The following PLXDC2 variants were observed in gnomAD, a reference collection of about 807,000 sequenced individuals.
PLXDC2 encodes the protein plexin domain-containing protein 2.
PLXDC2 carries 40 observed loss-of-function variants against 68.9 expected under a neutral mutation model. The observed-to-expected ratio is 0.58, with a 90% CI of 0.45 to 0.76. PLXDC2 has a LOEUF of 0.76. PLXDC2 is among the 30% of genes least tolerant of loss of function. PLXDC2 has a pLI of 0.00. For synonymous variants in PLXDC2, 243 were observed against 234.2 expected (o/e 1.04, Z -0.34); for missense variants, 644 against 661.9 (o/e 0.97, Z 0.30).
chr10:19,848,418 G>C (rs1016803486), intron 1 of PLXDC2, among the ~76,000 whole-genome samples: 1 of 152,088 alleles, frequency 6.6e-6, no homozygotes, highest in Non-Finnish European at 1.5e-5. Flanking sequence ...GACTCTATCT[G>C]TTGGTGACTT....
chr10:20,132,364 G>T (rs1833878390), intron 4 of PLXDC2, among the ~76,000 whole-genome samples: 1 of 152,100 alleles, frequency 6.6e-6, no homozygotes, highest in East Asian at 1.9e-4. Context: ...AAATTCATTT[G>T]GTCTTCAGTC....
At chr10:20,234,717 A>G (rs1050616379) in intron 12 of PLXDC2, among the ~76,000 whole-genome samples, 1 of 137,900 alleles carries the variant, frequency 7.3e-6, no homozygotes, top group Non-Finnish European at 1.5e-5. Context: ...TCCCTGAGCT[A>G]CACAGCACAC....
chr10:19,958,685 A>T (rs1345891536), intron 1 of PLXDC2, among the ~76,000 whole-genome samples: 2 of 152,146 alleles, frequency 1.3e-5, no homozygotes, highest in African/African-American at 4.8e-5. Context: ...TATCCCCCTC[A>T]GTTCGGAATT....
chr10:20,112,180 C>T (rs1833568378), intron 4 of PLXDC2, among the ~76,000 whole-genome samples: 1 of 152,084 alleles, frequency 6.6e-6, no homozygotes, highest in South Asian at 2.1e-4. Context: ...TTCCAGCCTC[C>T]AGAATTGTAA....
Position 20,245,453 on chromosome 10 carries a change from C to T in PLXDC2, c.1421C>T (p.Thr474Ile). The stretch of plus-strand genomic sequence containing the variant: ...ATTGTAGCCACAGCCATTCTTGTGA[C>T]AGTCTATATGTATCACCACCCAACA... ...VLIVATAILV[T>I]VYMYHHPTSA... Residue 474 changes from threonine (T) to isoleucine (I), a missense_variant, in exon 13 of 14, where the codon ACA becomes ATA. By Grantham distance (89) the Thr-to-Ile change is moderately conservative (BLOSUM62 -1). Transcript: ENST00000377252. The T allele has an allele frequency of 6.2e-7, 1 of 1,613,474 alleles. No homozygotes were observed. The highest frequency in any genetic ancestry group is 2.2e-5 in the East Asian group (1 of 44,878).
At chr10:20,177,628 G>T (rs1170252702) in intron 9 of PLXDC2, among the ~76,000 whole-genome samples, 1 of 151,898 alleles carries the variant, frequency 6.6e-6, no homozygotes, top group African/African-American at 2.4e-5. Flanking sequence ...AATTAACTGG[G>T]CATGGCAGGT....
At position 19,914,258 on chromosome 10, in the gene PLXDC2, T is replaced by C. The variant is rs375849439; in HGVS notation, c.113-87517T>C. On this transcript the variant is annotated intron_variant, in intron 1 of 13. Coordinates refer to ENST00000377252, the MANE Select transcript of PLXDC2 (RefSeq NM_032812.9). ...ATTAAATTATAATTGCATGGTCTTA[T>C]TAATCTCTGTCATTCCTTACTTTTC... Among the ~76,000 whole-genome samples the C allele has an allele frequency of 1.2e-4, 18 of 152,328 alleles. No homozygotes were observed. In the East Asian group the frequency reaches 1.9e-3, roughly 16 times the overall value.
At chr10:19,887,255 T>C (rs1837864806) in intron 1 of PLXDC2, among the ~76,000 whole-genome samples, 1 of 152,248 alleles carries the variant, frequency 6.6e-6, no homozygotes, top group Non-Finnish European at 1.5e-5. Context: ...GCACAGTGGC[T>C]CATGCCTGTA....
intron 2 of PLXDC2, among the ~76,000 whole-genome samples, chr10:20,014,890 A>G (rs1038070649): frequency 6.6e-6 from 1 of 150,920 alleles, no homozygotes; most frequent in African/African-American, 2.4e-5. Context: ...CAAAGAGAAC[A>G]TTTTTTTTTT....
chr10:20,268,969 T>C (rs1239736902), intron 13 of PLXDC2, among the ~76,000 whole-genome samples: 1 of 152,218 alleles, frequency 6.6e-6, no homozygotes, highest in Non-Finnish European at 1.5e-5. Flanking sequence ...AATAAAGATA[T>C]GCTGCTTAAA....
At chr10:20,076,484 A>G (rs953444267) in intron 4 of PLXDC2, among the ~76,000 whole-genome samples, 6 of 152,218 alleles carry the variant, frequency 3.9e-5, no homozygotes, top group African/African-American at 1.4e-4. Flanking sequence ...AAATTAATTA[A>G]CATATGTTAA....
At chr10:20,148,807 C>A (rs368781451) in intron 6 of PLXDC2, among the ~76,000 whole-genome samples, 18 of 152,134 alleles carry the variant, frequency 1.2e-4, no homozygotes, top group Middle Eastern at 3.4e-3. Context: ...AGAATTGAAT[C>A]CTAGATTATA....
chr10:20,103,824 G>T (rs1198788115), intron 4 of PLXDC2, among the ~76,000 whole-genome samples: 1 of 152,084 alleles, frequency 6.6e-6, no homozygotes, highest in Non-Finnish European at 1.5e-5. Flanking sequence ...TGTATTTTTA[G>T]TAGAGACAGG....
chr10:20,083,552 A>G (rs940179020), intron 4 of PLXDC2, among the ~76,000 whole-genome samples: 4 of 151,838 alleles, frequency 2.6e-5, no homozygotes, highest in African/African-American at 9.7e-5. Context: ...TCTTTTTGGT[A>G]AGACTGGATA....
At chr10:19,939,496 A>T (rs1833780282) in intron 1 of PLXDC2, among the ~76,000 whole-genome samples, 1 of 152,196 alleles carries the variant, frequency 6.6e-6, no homozygotes, top group Non-Finnish European at 1.5e-5. Flanking sequence ...TTTCTCCAAG[A>T]TGCCAAAAAA....
intron 1 of PLXDC2, among the ~76,000 whole-genome samples, chr10:19,837,409 A>AGAGTGT (rs1334263958): frequency 1.2e-5 from 1 of 82,488 alleles, no homozygotes; most frequent in African/African-American, 3.5e-5. Context: ...AGAGAGAGAG[A>AGAGTGT]GTGTGTGTGT....
At chr10:19,999,390 G>GTT (rs10715864) in intron 1 of PLXDC2, among the ~76,000 whole-genome samples, 53 of 101,172 alleles carry the variant, frequency 5.2e-4, no homozygotes, top group African/African-American at 1.5e-3. Context: ...GTAGGTGTTT[G>GTT]TTTTTTTTTT....
intron 9 of PLXDC2, among the ~76,000 whole-genome samples, chr10:20,184,892 A>G (rs1834659212): frequency 6.6e-6 from 1 of 151,616 alleles, no homozygotes; most frequent in South Asian, 2.1e-4. Context: ...GCAAACTAAC[A>G]CAGGAACAGA....
At chr10:20,162,820 T>G (rs986056857) in intron 6 of PLXDC2, among the ~76,000 whole-genome samples, 1 of 150,904 alleles carries the variant, frequency 6.6e-6, no homozygotes, top group African/African-American at 2.4e-5. Flanking sequence ...TCCCAGCACT[T>G]TGGGAGGCTG....
Sources: gnomAD v4.1 joint callset for allele counts (sites outside exome capture counted in the v4.1 genomes callset) on GRCh38, gnomAD v4.1.1 for gene constraint, MANE v1.5 for transcripts, NCBI Gene and HGNC (gene_info 2026-07-23, HGNC 2026-07-21) for gene names.